FARSB: variants seen among roughly 807,000 people sequenced by gnomAD.
FARSB encodes phenylalanine--tRNA ligase beta subunit.
In FARSB, 40 loss-of-function variants were observed where a neutral mutation model predicts 69.6. That is an observed-to-expected ratio of 0.57 (90% CI 0.45 to 0.75). FARSB has a LOEUF of 0.75. Ranked by LOEUF, FARSB falls within the 30% of genes least tolerant of loss-of-function variation. The pLI, the probability that FARSB is intolerant of heterozygous loss-of-function variation, is 0.00. For synonymous variants in FARSB, 235 were observed against 247.2 expected (o/e 0.95, Z 0.46); for missense variants, 632 against 722.9 (o/e 0.87, Z 1.44).
rs1429841505 is a variant in FARSB, at chr2:222,634,542, CTAA to C, written c.456-4_456-2del. 3.1e-6 allele frequency: 5 copies of C among 1,609,236 alleles called. No homozygotes were observed. The highest frequency in any genetic ancestry group is 4.2e-6 in the Non-Finnish European group (5 of 1,177,684). Reference sequence around the variant, plus strand: ...ACCAATGGCAACCAGTGCTCTTTTCCTAATTGTTGAGAGGTTGAGGGAGAAGGA... The same window carrying C: ...ACCAATGGCAACCAGTGCTCTTTTCCTTGTTGAGAGGTTGAGGGAGAAGGA... On this transcript the variant is annotated splice_acceptor_variant and splice_polypyrimidine_tract_variant and intron_variant, in intron 5 of 16. Transcript: ENST00000281828. LOFTEE classifies it high-confidence loss of function.
chr2:222,621,676 A>G (rs1314500592), intron 13 of FARSB, among the ~76,000 whole-genome samples: 1 of 152,260 alleles, frequency 6.6e-6, no homozygotes, highest in African/African-American at 2.4e-5. Flanking sequence ...AAAAGAAAAT[A>G]TTACAACTAC....
At chr2:222,626,164 G>T (rs566413273) in intron 10 of FARSB, among the ~76,000 whole-genome samples, 1 of 145,800 alleles carries the variant, frequency 6.9e-6, no homozygotes, top group East Asian at 2.0e-4. Context: ...CAGGAGAATC[G>T]CTTGAACCCA....
chr2:222,650,510 G>A (rs950362337), intron 1 of FARSB, among the ~76,000 whole-genome samples: 21 of 152,292 alleles, frequency 1.4e-4, no homozygotes, highest in African/African-American at 4.3e-4. Context: ...TATAAGGCTC[G>A]ATGGCCGAAT....
At chr2:222,609,087 C>A (rs1690777384) in intron 15 of FARSB, among the ~76,000 whole-genome samples, 1 of 152,166 alleles carries the variant, frequency 6.6e-6, no homozygotes, top group South Asian at 2.1e-4. Context: ...TACACTTAAA[C>A]TCACTCAACC....
chr2:222,645,190 G>T (rs1691817519), intron 2 of FARSB, among the ~76,000 whole-genome samples: 1 of 152,108 alleles, frequency 6.6e-6, no homozygotes, highest in African/African-American at 2.4e-5. Context: ...TGAAAAGGAG[G>T]CCCAGAGAGA....
chr2:222,623,041 G>A (rs1466044462), intron 13 of FARSB, among the ~76,000 whole-genome samples: 3 of 151,792 alleles, frequency 2.0e-5, no homozygotes, highest in Non-Finnish European at 4.4e-5. Context: ...GAATGCTCAA[G>A]AACTACATTG....
intron 1 of FARSB, among the ~76,000 whole-genome samples, chr2:222,652,757 A>C (rs1574959520): frequency 1.3e-5 from 2 of 152,210 alleles, no homozygotes; most frequent in African/African-American, 4.8e-5. Flanking sequence ...CAGAGCAAAA[A>C]CCACCCAGCT....
At chr2:222,576,092 C>T (rs1307958062) in intron 16 of FARSB, among the ~76,000 whole-genome samples, 4 of 151,420 alleles carry the variant, frequency 2.6e-5, no homozygotes, top group Non-Finnish European at 5.9e-5. Flanking sequence ...AAGGAGGTAA[C>T]TGAGCAGACC....
At chr2:222,626,817 A>G (rs1475791619) in intron 10 of FARSB, among the ~76,000 whole-genome samples, 2 of 152,124 alleles carry the variant, frequency 1.3e-5, no homozygotes, top group Non-Finnish European at 2.9e-5. Flanking sequence ...GCGGATCACA[A>G]GGTCAGGAGA....
chr2:222,630,183 AAAAG>A lies in FARSB; in HGVS notation c.787-13_787-10del. The A allele has an allele frequency of 7.0e-7, 1 of 1,422,028 alleles. No individual in the cohort carries two copies. Among genetic ancestry groups the A allele is most frequent in the Non-Finnish European group, 9.6e-7 (1 of 1,040,576 alleles). 88.1% of individuals were successfully genotyped at this position (1,422,028 alleles called of 1,614,324 possible). On this transcript the variant is annotated splice_polypyrimidine_tract_variant and intron_variant, in intron 8 of 16. Coordinates refer to ENST00000281828, the MANE Select transcript of FARSB (RefSeq NM_005687.5). ...TCAAGAACTATTTTTGCCTGCAAAGAAAAGAAAAACAAATATAGTAATCTATAAA... is the reference window on the plus strand; with the variant it reads ...TCAAGAACTATTTTTGCCTGCAAAGAAAAAACAAATATAGTAATCTATAAA...
At chr2:222,586,921 A>AC in intron 16 of FARSB, among the ~76,000 whole-genome samples, 1 of 152,228 alleles carries the variant, frequency 6.6e-6, no homozygotes, top group Non-Finnish European at 1.5e-5. Context: ...GGCTTTAACA[A>AC]CCCACTGTCA....
rs1691214135 is a variant in FARSB, at chr2:222,624,357, C to T, written c.1085G>A (p.Cys362Tyr). The T allele has an allele frequency of 6.2e-7, 1 of 1,609,500 alleles. No individual in the cohort carries two copies. Among genetic ancestry groups the T allele is most frequent in the South Asian group, 1.1e-5 (1 of 90,994 alleles). ...AATAGCTGCATCTTCTACAATATCA[C>T]ATGCATGGATAATGTCAGCTCTGGT... is the stretch of plus-strand genomic sequence containing the variant. The part of the protein sequence containing the change: ...PPTRADIIHA[C>Y]DIVEDAAIAY... The change falls in exon 12 of 17, where the codon TGT becomes TAT. Residue 362 changes from cysteine (C) to tyrosine (Y), a missense_variant. Transcript: ENST00000281828.
In FARSB at chr2:222,623,739, A is replaced by C. The variant is rs1485722987; in HGVS notation, c.1171-9T>G. The C allele has an allele frequency of 6.3e-7, 1 of 1,575,946 alleles. No homozygotes were observed. Among genetic ancestry groups the C allele is most frequent in the Non-Finnish European group, 8.7e-7 (1 of 1,147,436 alleles). On this transcript the variant is annotated splice_polypyrimidine_tract_variant and intron_variant, in intron 12 of 16. Transcript: ENST00000281828. ...AGCTTATTAAGAGGAAACTGAAAAAAAAAGCATCCACTTGATTTCACCGCA... is the reference window on the plus strand; with the variant it reads ...AGCTTATTAAGAGGAAACTGAAAAACAAAGCATCCACTTGATTTCACCGCA...
chr2:222,643,008 A>G lies in FARSB; in HGVS notation c.115-3T>C. On this transcript the variant is annotated splice_region_variant and splice_polypyrimidine_tract_variant and intron_variant, in intron 2 of 16. Transcript: ENST00000281828. ...CTTATTATTTCCTTCTCAGATGTCT[A>G]AAACAAGCCAAAAAGTAATGATAAA... The G allele has an allele frequency of 6.5e-7, 1 of 1,541,678 alleles. No homozygotes were observed. The highest frequency in any genetic ancestry group is 8.8e-7 in the Non-Finnish European group (1 of 1,135,764).
Position 222,656,077 on chromosome 2 carries a change from G to A in FARSB, c.-4C>T, listed in dbSNP as rs746668098. 7.5e-6 allele frequency: 12 copies of A among 1,593,230 alleles called. No individual in the cohort carries two copies. The East Asian group carries it at 2.5e-4, about 34-fold the overall frequency. On this transcript the variant is annotated 5_prime_UTR_variant, in exon 1 of 17. Transcript: ENST00000281828. Reference sequence around the variant, plus strand: ...GCTTCACGCTGACAGTCGGCATGGTGTGTCGAACTCACTGCGCCTGCGCAG... The same window carrying A: ...GCTTCACGCTGACAGTCGGCATGGTATGTCGAACTCACTGCGCCTGCGCAG...
At chr2:222,613,699 G>A in intron 15 of FARSB, 112 bp downstream of exon 15, 1 of 653,888 alleles carries the variant, frequency 1.5e-6, no homozygotes, top group Non-Finnish European at 2.7e-6. Flanking sequence ...TGGGTGCTGG[G>A]TACATAGGGG....
At chr2:222,646,248 G>A (rs1347357798) in intron 2 of FARSB, among the ~76,000 whole-genome samples, 1 of 152,092 alleles carries the variant, frequency 6.6e-6, no homozygotes, top group African/African-American at 2.4e-5. Flanking sequence ...ATCCATTCAG[G>A]CATGTCTTTA....
chr2:222,648,951 G>C (rs1342013175), intron 1 of FARSB, among the ~76,000 whole-genome samples, 156 bp from the exon 2 acceptor site: 1 of 152,096 alleles, frequency 6.6e-6, no homozygotes, highest in Non-Finnish European at 1.5e-5. Flanking sequence ...AACAGGCCAG[G>C]CATGGTGGCT....
chr2:222,636,234 G>C (rs535648655), intron 5 of FARSB, among the ~76,000 whole-genome samples: 218 of 151,860 alleles, frequency 1.4e-3, no homozygotes, highest in African/African-American at 5.0e-3. Context: ...GTGAAACCCC[G>C]TCTCTACTAA....
Sources: gnomAD v4.1 joint callset for allele counts (sites outside exome capture counted in the v4.1 genomes callset) on GRCh38, gnomAD v4.1.1 for gene constraint, MANE v1.5 for transcripts, NCBI Gene and HGNC (gene_info 2026-07-23, HGNC 2026-07-21) for gene names.